PDE5A: variants seen among roughly 807,000 people sequenced by gnomAD.
PDE5A encodes the protein cGMP-specific 3',5'-cyclic phosphodiesterase.
Under a neutral mutation model 110.2 loss-of-function variants are expected in PDE5A, and 67 were observed. The ratio of observed to expected loss-of-function variants is 0.61; its 90% CI spans 0.50 to 0.75. The LOEUF is 0.75. Among genes scored for constraint, PDE5A ranks in the 30% least tolerant of loss-of-function variants. The pLI, the probability that PDE5A is intolerant of heterozygous loss-of-function variation, is 0.00. For missense variants in PDE5A, 862 were observed against 1,045.1 expected, an observed-to-expected ratio of 0.82 and a Z score of 2.42; for synonymous variants, 328 against 351.2, an observed-to-expected ratio of 0.93 and a Z score of 0.74.
intron 1 of PDE5A, among the ~76,000 whole-genome samples, chr4:119,622,869 A>C (rs1301817872): frequency 3.3e-5 from 5 of 150,376 alleles, no homozygotes; most frequent in Non-Finnish European, 5.9e-5. Flanking sequence ...GTCTCGAAAA[A>C]AAAAAAAAGA....
chr4:119,617,081 A>G (rs1180465459), intron 1 of PDE5A, among the ~76,000 whole-genome samples: 2 of 152,188 alleles, frequency 1.3e-5, no homozygotes, highest in Non-Finnish European at 2.9e-5. Flanking sequence ...AATAATATTC[A>G]TTGAAAAAAA....
intron 2 of PDE5A, among the ~76,000 whole-genome samples, chr4:119,603,235 G>A (rs576730283): frequency 7.2e-5 from 11 of 152,152 alleles, no homozygotes; most frequent in African/African-American, 1.7e-4. Context: ...CATAAATGCC[G>A]TGCCAAGCCG....
intron 20 of PDE5A, among the ~76,000 whole-genome samples, chr4:119,499,251 T>C (rs1004173189): frequency 6.6e-6 from 1 of 152,144 alleles, no homozygotes; most frequent in African/African-American, 2.4e-5. Flanking sequence ...TTCAGATTTC[T>C]TCCTAATAGT....
At chr4:119,615,615 C>CA (rs56177504) in intron 1 of PDE5A, among the ~76,000 whole-genome samples, 10 of 130,362 alleles carry the variant, frequency 7.7e-5, no homozygotes, top group East Asian at 4.4e-4. Flanking sequence ...CTACTAAGTT[C>CA]AAAAAAAAAA....
At chr4:119,610,535 C>T (rs1285367620) in intron 1 of PDE5A, among the ~76,000 whole-genome samples, 1 of 152,114 alleles carries the variant, frequency 6.6e-6, no homozygotes, top group African/African-American at 2.4e-5. Flanking sequence ...AAACTGCCTA[C>T]TTGACAACTC....
At chr4:119,617,995 TAG>T (rs1271749516) in intron 1 of PDE5A, among the ~76,000 whole-genome samples, 10 of 152,166 alleles carry the variant, frequency 6.6e-5, no homozygotes, top group Admixed American at 6.5e-4. Context: ...CTTCCTGAGT[TAG>T]AAACCTCATG....
intron 17 of PDE5A, 120 bp from the exon 18 acceptor site, chr4:119,504,719 TAAAGACC>T (rs1042806936): frequency 1.6e-6 from 1 of 612,766 alleles, no homozygotes; most frequent in Non-Finnish European, 2.8e-6. Context: ...TGGCAGTTTA[TAAAGACC>T]AAAGAAAAAG....
intron 1 of PDE5A, among the ~76,000 whole-genome samples, chr4:119,612,487 C>T (rs1207029692): frequency 6.6e-6 from 1 of 152,200 alleles, no homozygotes; most frequent in Non-Finnish European, 1.5e-5. Context: ...TGACTGAAAG[C>T]TTCCTGAGGC....
chr4:119,570,115 C>T (rs1728089522), intron 3 of PDE5A, among the ~76,000 whole-genome samples: 3 of 152,158 alleles, frequency 2.0e-5, no homozygotes, highest in Admixed American at 6.5e-5. Flanking sequence ...GGGTTGCATA[C>T]ACAATAAAAG....
At chr4:119,617,344 T>C (rs959689401) in intron 1 of PDE5A, among the ~76,000 whole-genome samples, 3 of 152,114 alleles carry the variant, frequency 2.0e-5, no homozygotes, top group African/African-American at 7.2e-5. Context: ...TGGAACTGCA[T>C]TTCAAATATA....
intron 14 of PDE5A, among the ~76,000 whole-genome samples, chr4:119,516,058 C>T (rs1725898295): frequency 6.6e-6 from 1 of 152,194 alleles, no homozygotes; most frequent in African/African-American, 2.4e-5. Context: ...ACCACTATTC[C>T]AAGAACATGC....
chr4:119,524,768 G>T (rs1719596008), intron 12 of PDE5A, among the ~76,000 whole-genome samples: 1 of 152,080 alleles, frequency 6.6e-6, no homozygotes, highest in African/African-American at 2.4e-5. Context: ...TTAAAGGCAA[G>T]ATTACTGAAT....
intron 1 of PDE5A, among the ~76,000 whole-genome samples, chr4:119,622,353 T>C (rs908632257): frequency 6.6e-6 from 1 of 152,198 alleles, no homozygotes; most frequent in South Asian, 2.1e-4. Context: ...TTATTTTTTA[T>C]AATTATCACT....
chr4:119,588,337 C>A (rs1398920978), intron 3 of PDE5A, among the ~76,000 whole-genome samples: 1 of 151,470 alleles, frequency 6.6e-6, no homozygotes, highest in Non-Finnish European at 1.5e-5. Flanking sequence ...TGCCACACAC[C>A]CGGCTAATTT....
At chr4:119,559,842 A>C (rs1181232583) in intron 7 of PDE5A, among the ~76,000 whole-genome samples, 3 of 152,156 alleles carry the variant, frequency 2.0e-5, no homozygotes, top group Non-Finnish European at 2.9e-5. Flanking sequence ...AAATTCCAGG[A>C]CATCAGAAAA....
intron 2 of PDE5A, among the ~76,000 whole-genome samples, chr4:119,598,085 T>C (rs1448930995): frequency 2.6e-5 from 4 of 152,092 alleles, no homozygotes; most frequent in East Asian, 1.9e-4. Flanking sequence ...ATTATTGATA[T>C]ATAGTGAATT....
At chr4:119,517,667 TAAAC>T (rs777650568) in intron 14 of PDE5A, among the ~76,000 whole-genome samples, 3 of 151,286 alleles carry the variant, frequency 2.0e-5, no homozygotes, top group Non-Finnish European at 4.4e-5. Flanking sequence ...TATTTTTAAA[TAAAC>T]AAAGGAAAAA....
intron 1 of PDE5A, among the ~76,000 whole-genome samples, chr4:119,619,934 C>T (rs1379414077): frequency 2.0e-5 from 3 of 152,240 alleles, no homozygotes; most frequent in African/African-American, 7.2e-5. Flanking sequence ...TCAAAGGGTT[C>T]ACAACAGTGG....
intron 11 of PDE5A, among the ~76,000 whole-genome samples, chr4:119,537,188 C>A (rs979952093): frequency 2.6e-5 from 4 of 152,128 alleles, no homozygotes; most frequent in Non-Finnish European, 4.4e-5. Context: ...CCAGCTCACA[C>A]ATTCAAAACC....
Sources: allele counts gnomAD v4.1 joint callset (sites outside exome capture counted in the v4.1 genomes callset), GRCh38; gene constraint gnomAD v4.1.1; transcripts MANE v1.5; gene names NCBI Gene and HGNC (gene_info 2026-07-23, HGNC 2026-07-21).